The following DCDC2B variants were observed in gnomAD, a reference collection of about 807,000 sequenced individuals.
DCDC2B encodes doublecortin domain containing 2B, also known as doublecortin domain-containing protein 2B.
In DCDC2B, 41 loss-of-function variants were observed where a neutral mutation model predicts 38.9. The observed-to-expected ratio is 1.05, with a 90% confidence interval of 0.82 to 1.37. The LOEUF (loss-of-function observed/expected upper bound fraction) is 1.37. DCDC2B is among the 40% of genes most tolerant of loss of function. The pLI, the probability that DCDC2B is intolerant of heterozygous loss-of-function variation, is 0.00. For synonymous variants in DCDC2B, 181 were observed against 171.9 expected (o/e 1.05, Z -0.41); for missense variants, 453 against 427.2 (o/e 1.06, Z -0.53).
In DCDC2B at chr1:32,214,777, G is replaced by T; in HGVS notation, c.715-20G>T. On this transcript the variant is annotated intron_variant, in intron 6 of 8. Transcript: ENST00000409358. ...AGAATGGCCAGCAATCAGGGTCCAA[G>T]CCCAGTGTCCCTTCTCTAGGCCCAA... The T allele has an allele frequency of 6.2e-7, 1 of 1,613,718 alleles. No individual in the cohort carries two copies. The highest frequency in any genetic ancestry group is 8.5e-7 in the Non-Finnish European group (1 of 1,179,750).
At chr1:32,215,644 T>G in intron 8 of DCDC2B, 101 bp downstream of exon 8, 1 of 1,164,226 alleles carries the variant, frequency 8.6e-7, no homozygotes, top group Admixed American at 2.6e-5. Context: ...CCCTTGTGAT[T>G]GAAAGTAAAT....
intron 1 of DCDC2B, 74 bp downstream of exon 1, chr1:32,209,433 T>C (rs1214149768): frequency 3.2e-6 from 5 of 1,552,560 alleles, no homozygotes; most frequent in East Asian, 2.3e-5. Flanking sequence ...GTACCTACCA[T>C]GTATGTACCA....
At chr1:32,209,611 C>G (rs529401724) in intron 1 of DCDC2B, among the ~76,000 whole-genome samples, 1 of 152,266 alleles carries the variant, frequency 6.6e-6, no homozygotes, top group South Asian at 2.1e-4. Context: ...CAGCCAAGAT[C>G]AGCCTGTGGG....
rs759338691 is a variant in DCDC2B at position 32,215,518 on chromosome 1, C to T, written c.929C>T (p.Thr310Ile). The change falls in exon 8 of 9, where the codon ACT (threonine) becomes ATT (isoleucine). Residue 310 changes from threonine (T) to isoleucine (I), a missense_variant. Coordinates refer to ENST00000409358, the MANE Select transcript of DCDC2B (RefSeq NM_001099434.2). ...CTGGAAGTAGCAGATGATGAAGACA[C>T]TCAGACAGAGGAGCCCTTGGATCAG... ...GALEVADDED[T>I]QTEEPLDQRA... The T allele has an allele frequency of 6.2e-7, 1 of 1,613,756 alleles. No individual in the cohort carries two copies. The highest frequency in any genetic ancestry group is 8.5e-7 in the Non-Finnish European group (1 of 1,179,788).
rs543455654 is a variant in DCDC2B, at chr1:32,213,710, C to T, written c.714+917C>T. On this transcript the variant is annotated intron_variant, in intron 6 of 8. Transcript: ENST00000409358. ...TATTTTTAGTAGAGACGGGGTTTCA[C>T]CGTGTTAGCCAGGATGGTCTCGATC... Among the ~76,000 whole-genome samples, 3 of 151,782 alleles carry T rather than the reference C, an allele frequency of 2.0e-5. No individual in the cohort carries two copies. The South Asian group carries it at 6.3e-4, about 32-fold the overall frequency.
At position 32,214,826 on chromosome 1, in the gene DCDC2B, G is replaced by A. The variant is rs1638250814; in HGVS notation, c.744G>A (p.Gln248=). ...GAQGHRAQVT[Q]PSPKEPDRIK... ...AAGGCCACAGGGCCCAGGTAACCCA[G>A]CCCTCTCCAAAGGAACCAGACCGAA... The change falls in exon 7 of 9, where the codon CAG becomes CAA. Residue 248 remains glutamine, a synonymous_variant. Coordinates refer to ENST00000409358, the MANE Select transcript of DCDC2B (RefSeq NM_001099434.2). 1.9e-6 allele frequency: 3 copies of A among 1,613,952 alleles called. No individual in the cohort carries two copies. Among genetic ancestry groups the A allele is most frequent in the Middle Eastern group, 1.7e-4 (1 of 6,060 alleles).
chr1:32,210,288 T>C (rs1369104216), intron 1 of DCDC2B, among the ~76,000 whole-genome samples: 1 of 145,444 alleles, frequency 6.9e-6, no homozygotes, highest in Non-Finnish European at 1.5e-5. Context: ...ATCGTGCCAC[T>C]GCACTCCAGC....
Position 32,215,832 on chromosome 1 carries a change from T to A in DCDC2B, c.985T>A (p.Ser329Thr). ...RAAQIVEEAL[S>T]LENQPGAGAA... Reference sequence around the variant, plus strand: ...AGCACAGATAGTGGAAGAGGCCTTGTCCCTGGAAAACCAGCCTGGGGCTGG... The same window carrying A: ...AGCACAGATAGTGGAAGAGGCCTTGACCCTGGAAAACCAGCCTGGGGCTGG... The change falls in exon 9 of 9, where the codon TCC becomes ACC. Residue 329 changes from serine (S) to threonine (T), a missense_variant. Coordinates refer to ENST00000409358, the MANE Select transcript of DCDC2B (RefSeq NM_001099434.2). 1.3e-6 allele frequency: 2 copies of A among 1,553,086 alleles called. No homozygotes were observed. The highest frequency in any genetic ancestry group is 1.7e-6 in the Non-Finnish European group (2 of 1,147,824).
intron 1 of DCDC2B, among the ~76,000 whole-genome samples, chr1:32,210,325 T>TA (rs905848009): frequency 0.12 from 9,176 of 78,670 alleles, 703 homozygotes; most frequent in South Asian, 0.21. Context: ...AAACTCCATC[T>TA]AAAAAAAAAA....
intron 1 of DCDC2B, among the ~76,000 whole-genome samples, chr1:32,210,469 GC>G (rs1312232047): frequency 2.0e-5 from 3 of 151,674 alleles, no homozygotes; most frequent in Non-Finnish European, 4.4e-5. Context: ...CTGCACTCCA[GC>G]CTGGGGGACA....
Position 32,214,875 on chromosome 1 carries a change from A to G in DCDC2B, c.793A>G (p.Arg265Gly), listed in dbSNP as rs367646595. The change falls in exon 7 of 9, where the codon AGA becomes GGA. Residue 265 changes from arginine (R) to glycine (G), a missense_variant. Coordinates refer to ENST00000409358, the MANE Select transcript of DCDC2B (RefSeq NM_001099434.2). ...AATTAAGCCATCTGCTTTCTATGCCAGACCCCAGCAGACCATTCAGCCAAG... is the reference window on the plus strand; with the variant it reads ...AATTAAGCCATCTGCTTTCTATGCCGGACCCCAGCAGACCATTCAGCCAAG... ...DRIKPSAFYA[R>G]PQQTIQPRSK... is the part of the protein sequence containing the mutation. The G allele has an allele frequency of 6.2e-7, 1 of 1,613,978 alleles. No individual in the cohort carries two copies. The highest frequency in any genetic ancestry group is 8.5e-7 in the Non-Finnish European group (1 of 1,179,888).
At chr1:32,215,363 C>A in intron 7 of DCDC2B, 77 bp from the exon 8 acceptor site, 1 of 1,236,270 alleles carries the variant, frequency 8.1e-7, no homozygotes, top group Non-Finnish European at 1.1e-6. Context: ...GGGAAAGGGG[C>A]TAGCATGAAG....
Position 32,214,848 on chromosome 1 carries a change from C to A in DCDC2B, c.766C>A (p.Arg256=), listed in dbSNP as rs752730834. The change falls in exon 7 of 9, where the codon CGA becomes AGA. Residue 256 remains arginine (R), a synonymous_variant. Coordinates refer to ENST00000409358, the MANE Select transcript of DCDC2B (RefSeq NM_001099434.2). The part of the protein sequence containing the change: ...VTQPSPKEPD[R]IKPSAFYARP... Reference sequence around the variant, plus strand: ...CCAGCCCTCTCCAAAGGAACCAGACCGAATTAAGCCATCTGCTTTCTATGC... The same window carrying A: ...CCAGCCCTCTCCAAAGGAACCAGACAGAATTAAGCCATCTGCTTTCTATGC... 4 of 1,613,800 alleles carry A rather than the reference C, an allele frequency of 2.5e-6. No individual in the cohort carries two copies. Among genetic ancestry groups the A allele is most frequent in the Admixed American group, 1.7e-5 (1 of 59,988 alleles).
intron 2 of DCDC2B, 43 bp downstream of exon 2, chr1:32,211,366 A>G (rs374509093): frequency 6.2e-7 from 1 of 1,606,924 alleles, no homozygotes. Context: ...CTGTCTTCCC[A>G]CTCCTCCTGG....
In DCDC2B at chr1:32,209,302, A is replaced by G. The variant is rs1643485490; in HGVS notation, c.209A>G (p.Asp70Gly). The G allele has an allele frequency of 6.2e-7, 1 of 1,614,012 alleles. No individual in the cohort carries two copies. Among genetic ancestry groups the G allele is most frequent in the Non-Finnish European group, 8.5e-7 (1 of 1,179,896 alleles). Reference protein sequence around the residue: ...CHGHPVTNLADLKNRGQYVAA... With the variant: ...CHGHPVTNLAGLKNRGQYVAA... ...GGCCACCCTGTCACCAACCTGGCAG[A>G]CTTGAAGAACAGAGGGCAGTATGTG... The change falls in exon 1 of 9, where the codon GAC (aspartate) becomes GGC (glycine). Residue 70 changes from aspartate to glycine, a missense_variant. By Grantham distance (94) the Asp-to-Gly change is moderately conservative (BLOSUM62 -1). Transcript: ENST00000409358.
intron 6 of DCDC2B, among the ~76,000 whole-genome samples, chr1:32,213,779 G>A (rs1183084075): frequency 1.3e-5 from 2 of 151,040 alleles, no homozygotes; most frequent in East Asian, 2.0e-4. Context: ...CAAAGTGCTG[G>A]GATTACAGGC....
intron 4 of DCDC2B, 25 bp downstream of exon 4, chr1:32,212,226 CAA>C (rs751930763): frequency 6.2e-7 from 1 of 1,604,648 alleles, no homozygotes; most frequent in Non-Finnish European, 8.5e-7. Flanking sequence ...TGCGAGGGCC[CAA>C]AAGTCCCCAA....
intron 6 of DCDC2B, among the ~76,000 whole-genome samples, chr1:32,213,471 G>A (rs1387846305): frequency 6.6e-6 from 1 of 151,310 alleles, no homozygotes; most frequent in Non-Finnish European, 1.5e-5. Flanking sequence ...CGAGTAGCTG[G>A]GATTACAGGT....
intron 6 of DCDC2B, chr1:32,214,567 T>C: frequency 1.8e-6 from 1 of 548,498 alleles, no homozygotes; most frequent in South Asian, 2.2e-5. Flanking sequence ...GGAAGCACAG[T>C]CTGGTTTCAC....
Sources: allele counts gnomAD v4.1 joint callset (sites outside exome capture counted in the v4.1 genomes callset), GRCh38; gene constraint gnomAD v4.1.1; transcripts MANE v1.5; gene names NCBI Gene and HGNC (gene_info 2026-07-23, HGNC 2026-07-21).